RIC8B: variants seen among roughly 807,000 people sequenced by gnomAD.
The protein encoded by RIC8B is RIC8 guanine nucleotide exchange factor B.
A neutral mutation model predicts 57.5 loss-of-function variants in RIC8B; 16 were observed. The ratio of observed to expected loss-of-function variants is 0.28; its 90% CI spans 0.19 to 0.42. The LOEUF is 0.42. RIC8B is among the 10% of genes least tolerant of loss of function. The probability of loss-of-function intolerance (pLI) is 1.00; values close to 1 mark genes in which losing one functional copy is unlikely to be tolerated. For synonymous variants in RIC8B, 216 were observed against 250.8 expected (o/e 0.86, Z 1.31); for missense variants, 481 against 677.0 (o/e 0.71, Z 3.21).
At chr12:106,865,225 A>G (rs1169817718) in intron 8 of RIC8B, among the ~76,000 whole-genome samples, 1 of 152,188 alleles carries the variant, frequency 6.6e-6, no homozygotes, top group Non-Finnish European at 1.5e-5. Context: ...TCCCACCAGC[A>G]GTGTACAAGG....
intron 3 of RIC8B, chr12:106,823,461 T>A (rs946643478): frequency 3.1e-5 from 14 of 455,988 alleles, no homozygotes; most frequent in Middle Eastern, 3.3e-4. Flanking sequence ...AAAAGTAGAA[T>A]TTTGGTTTGC....
At chr12:106,864,827 C>T (rs1211929386) in intron 8 of RIC8B, among the ~76,000 whole-genome samples, 2 of 152,138 alleles carry the variant, frequency 1.3e-5, no homozygotes, top group Non-Finnish European at 2.9e-5. Flanking sequence ...TGTACACATT[C>T]CCCTCCTTCT....
intron 4 of RIC8B, among the ~76,000 whole-genome samples, chr12:106,836,826 C>G (rs1482065023): frequency 6.6e-6 from 1 of 152,214 alleles, no homozygotes; most frequent in Non-Finnish European, 1.5e-5. Context: ...TAATATCCTA[C>G]AAGACCAATC....
rs5800718 is a variant in RIC8B, at chr12:106,810,156, CT to C, written c.133-4526del. On this transcript the variant is annotated intron_variant, in intron 2 of 9. Coordinates refer to ENST00000392837, the MANE Select transcript of RIC8B (RefSeq NM_001330145.2). The stretch of plus-strand genomic sequence containing the variant: ...CCCTGTGAGATATGGATGTTATTTC[CT>C]TTTTTTTTTTTTTGATCCTCCCACC... 3.3e-3 allele frequency among the ~76,000 whole-genome samples: 462 copies of C among 139,558 alleles called. 2 individuals are homozygous for C. Among genetic ancestry groups the C allele is most frequent in the African/African-American group, 8.5e-3 (323 of 38,150 alleles). The allele number at this position is 139,558 out of a possible 152,430, so 91.6% of individuals were successfully genotyped here. A position where few individuals can be genotyped will look rare whatever the true frequency, so the allele number is the denominator to read the frequency against.
At chr12:106,793,767 G>A (rs1303356054) in intron 2 of RIC8B, among the ~76,000 whole-genome samples, 1 of 152,210 alleles carries the variant, frequency 6.6e-6, no homozygotes. Context: ...TGCAACATTA[G>A]GGCTTCACAC....
At chr12:106,789,007 A>G (rs577263784) in intron 2 of RIC8B, among the ~76,000 whole-genome samples, 2 of 152,272 alleles carry the variant, frequency 1.3e-5, no homozygotes, top group East Asian at 3.9e-4. Flanking sequence ...TTTAAAGTGG[A>G]ATGCTTTTAA....
intron 9 of RIC8B, among the ~76,000 whole-genome samples, chr12:106,880,268 T>C (rs1950863721): frequency 6.6e-6 from 1 of 152,206 alleles, no homozygotes; most frequent in Non-Finnish European, 1.5e-5. Context: ...GGATGCTGTG[T>C]TTGACTCTTA....
At chr12:106,861,877 A>G (rs1949952964) in intron 8 of RIC8B, among the ~76,000 whole-genome samples, 1 of 152,136 alleles carries the variant, frequency 6.6e-6, no homozygotes, top group Non-Finnish European at 1.5e-5. Context: ...CTATGATAGA[A>G]AACTCATGAG....
At chr12:106,809,555 A>C (rs1036755133) in intron 2 of RIC8B, among the ~76,000 whole-genome samples, 1 of 151,036 alleles carries the variant, frequency 6.6e-6, no homozygotes, top group African/African-American at 2.4e-5. Context: ...AGAATTGTGC[A>C]GTAAGTGTTC....
intron 4 of RIC8B, among the ~76,000 whole-genome samples, chr12:106,827,307 TA>T (rs1677037504): frequency 1.3e-5 from 2 of 152,320 alleles, no homozygotes; most frequent in Admixed American, 1.3e-4. Flanking sequence ...ACAATTCAAA[TA>T]AACTCATATC....
intron 1 of RIC8B, among the ~76,000 whole-genome samples, chr12:106,779,013 G>A (rs998040553): frequency 6.6e-6 from 1 of 151,114 alleles, no homozygotes; most frequent in Admixed American, 6.6e-5. Context: ...TCCTGGGTTC[G>A]AATGATTCTC....
chr12:106,882,759 A>G (rs958066730), intron 9 of RIC8B, among the ~76,000 whole-genome samples: 2 of 152,168 alleles, frequency 1.3e-5, no homozygotes, highest in East Asian at 1.9e-4. Flanking sequence ...AGAAGTATCA[A>G]TGAGCCCAGG....
At chr12:106,876,620 CACCTTTAAGTAGGACGTCATGCT>C (rs1422999336) in intron 9 of RIC8B, among the ~76,000 whole-genome samples, 1 of 152,110 alleles carries the variant, frequency 6.6e-6, no homozygotes, top group African/African-American at 2.4e-5. Flanking sequence ...AGTAGCTAGA[CACCTTTAAGTAGGACGTCATGCT>C]ACCTTTGTAT....
At chr12:106,846,361 C>T (rs1001699284) in intron 6 of RIC8B, among the ~76,000 whole-genome samples, 9 of 152,006 alleles carry the variant, frequency 5.9e-5, no homozygotes, top group African/African-American at 1.7e-4. Context: ...ATAAATGAAC[C>T]AGATTCATTT....
intron 4 of RIC8B, among the ~76,000 whole-genome samples, chr12:106,831,782 G>A (rs556945622): frequency 2.0e-5 from 3 of 152,312 alleles, no homozygotes; most frequent in African/African-American, 7.2e-5. Context: ...ACCATCTCTG[G>A]TTGCGTTGTA....
chr12:106,825,107 C>G (rs530467845), intron 3 of RIC8B, among the ~76,000 whole-genome samples: 1 of 152,092 alleles, frequency 6.6e-6, no homozygotes, highest in Non-Finnish European at 1.5e-5. Context: ...CAAGATCTCA[C>G]TAAAAATGAA....
At chr12:106,839,548 T>C (rs2046771981) in intron 4 of RIC8B, among the ~76,000 whole-genome samples, 1 of 151,966 alleles carries the variant, frequency 6.6e-6, no homozygotes, top group South Asian at 2.1e-4. Context: ...GAGGAGTAAA[T>C]GGGGAGGTGT....
rs1206237670 is a variant in RIC8B at position 106,825,766 on chromosome 12, G to A, written c.782G>A (p.Arg261His). 5 of 1,613,752 alleles carry A rather than the reference G, an allele frequency of 3.1e-6. No homozygotes were observed. The highest frequency in any genetic ancestry group is 3.4e-6 in the Non-Finnish European group (4 of 1,179,748). Residue 261 changes from arginine to histidine, a missense_variant, in exon 4 of 10, where the codon CGT (arginine) becomes CAT (histidine). By Grantham distance (29) the Arg-to-His change is conservative (BLOSUM62 0). Coordinates refer to ENST00000392837, the MANE Select transcript of RIC8B (RefSeq NM_001330145.2). ...HQFRVMAAVL[R>H]HCLLIVGPTE... ...TTCCGTGTAATGGCAGCTGTCCTTC[G>A]TCATTGTTTACTAATCGTAGGTCCA...
Position 106,827,923 on chromosome 12 carries a change from A to C in RIC8B, c.836+2103A>C, listed in dbSNP as rs538391662. Among the ~76,000 whole-genome samples the C allele has an allele frequency of 6.5e-4, 99 of 152,352 alleles. 2 individuals are homozygous for C. Among genetic ancestry groups the C allele is most frequent in the Non-Finnish European group, 1.1e-3 (78 of 68,028 alleles). On this transcript the variant is annotated intron_variant, in intron 4 of 9. Transcript: ENST00000392837. ...GGAAGGCACTTTGACCAAAATTGCT[A>C]TACTAGTCACAAATACATTGCCAAA... is the stretch of plus-strand genomic sequence containing the variant.
Sources: gnomAD v4.1 joint callset for allele counts (sites outside exome capture counted in the v4.1 genomes callset) on GRCh38, gnomAD v4.1.1 for gene constraint, MANE v1.5 for transcripts, NCBI Gene and HGNC (gene_info 2026-07-23, HGNC 2026-07-21) for gene names.